Variants in AP3B1 observed in about 807,000 individuals in gnomAD.
The protein encoded by AP3B1 is adaptor related protein complex 3 subunit beta 1.
AP3B1 carries 61 observed loss-of-function variants against 132.5 expected under a neutral mutation model. The ratio of observed to expected loss-of-function variants is 0.46; its 90% CI spans 0.37 to 0.57. The LOEUF is 0.57. AP3B1 is among the 20% of genes least tolerant of loss of function. The pLI is 0.00. For synonymous variants in AP3B1, 388 were observed against 438.3 expected (o/e 0.89, Z 1.43); for missense variants, 1,120 against 1,289.4 (o/e 0.87, Z 2.01).
At chr5:78,088,789 T>C (rs145959289) in intron 22 of AP3B1, among the ~76,000 whole-genome samples, 1 of 152,344 alleles carries the variant, frequency 6.6e-6, no homozygotes, top group African/African-American at 2.4e-5. Context: ...GGATATAATA[T>C]GCTAACACAA....
At chr5:78,256,372 T>C (rs1472536647) in intron 2 of AP3B1, among the ~76,000 whole-genome samples, 1 of 152,006 alleles carries the variant, frequency 6.6e-6, no homozygotes, top group African/African-American at 2.4e-5. Context: ...GGATCATTAG[T>C]GGCTACTATG....
At chr5:78,294,340 G>T in intron 1 of AP3B1, 112 bp downstream of exon 1, 1 of 1,520,706 alleles carries the variant, frequency 6.6e-7, no homozygotes, top group Non-Finnish European at 9.0e-7. Context: ...GCCCTGCCCT[G>T]CTCAGACCTC....
intron 22 of AP3B1, among the ~76,000 whole-genome samples, chr5:78,068,805 A>T (rs908775249): frequency 6.6e-6 from 1 of 152,208 alleles, no homozygotes; most frequent in Non-Finnish European, 1.5e-5. Context: ...AACAAAAAAA[A>T]AAGCAAACTT....
intron 3 of AP3B1, among the ~76,000 whole-genome samples, 187 bp downstream of exon 3, chr5:78,240,675 C>A (rs571963853): frequency 1.2e-4 from 19 of 152,196 alleles, no homozygotes; most frequent in African/African-American, 3.4e-4. Context: ...TATTTTCTAC[C>A]AAAAATCCAA....
chr5:78,039,375 A>G (rs1561368242), intron 22 of AP3B1, 101 bp from the exon 23 acceptor site: 2 of 908,088 alleles, frequency 2.2e-6, no homozygotes, highest in East Asian at 2.6e-5. Flanking sequence ...TGGTTCCCCT[A>G]CAGTATTATA....
intron 2 of AP3B1, among the ~76,000 whole-genome samples, chr5:78,257,892 C>T (rs888926285): frequency 2.6e-5 from 4 of 151,622 alleles, no homozygotes; most frequent in East Asian, 1.9e-4. Flanking sequence ...GAGAAAGATG[C>T]GAAGAGCATA....
intron 1 of AP3B1, among the ~76,000 whole-genome samples, chr5:78,276,422 G>A (rs1211806563): frequency 6.6e-6 from 1 of 152,162 alleles, no homozygotes; most frequent in Non-Finnish European, 1.5e-5. Flanking sequence ...GTGGGATGCA[G>A]CTAAAGCAAT....
At position 78,249,129 on chromosome 5, in the gene AP3B1, C is replaced by T. The variant is rs555627867; in HGVS notation, c.205-8193G>A. The stretch of plus-strand genomic sequence containing the variant: ...CAGCACTTTGGGAGGCTGAGGAGGG[C>T]GGATCACCTGAGATCAGGAGTTCGA... On this transcript the variant is annotated intron_variant, in intron 2 of 26. Transcript: ENST00000255194. 3.9e-5 allele frequency among the ~76,000 whole-genome samples: 6 copies of T among 151,968 alleles called. No homozygotes were observed. In the South Asian group the frequency reaches 6.2e-4, roughly 16 times the overall value.
intron 22 of AP3B1, among the ~76,000 whole-genome samples, chr5:78,069,700 C>T (rs1180813752): frequency 6.6e-6 from 1 of 152,124 alleles, no homozygotes. Flanking sequence ...GGATTCAATG[C>T]TATTCCCATT....
intron 3 of AP3B1, among the ~76,000 whole-genome samples, chr5:78,239,429 C>A (rs1747019474): frequency 6.7e-6 from 1 of 149,206 alleles, no homozygotes; most frequent in East Asian, 2.0e-4. Context: ...CACGATCATG[C>A]CACTGCACTC....
chr5:78,127,236 C>G (rs996865535), intron 17 of AP3B1, among the ~76,000 whole-genome samples: 1 of 152,178 alleles, frequency 6.6e-6, no homozygotes, highest in African/African-American at 2.4e-5. Context: ...CCCCAGTTAT[C>G]TGAATCCTAA....
At chr5:78,242,271 T>G (rs528897822) in intron 2 of AP3B1, among the ~76,000 whole-genome samples, 1 of 152,324 alleles carries the variant, frequency 6.6e-6, no homozygotes, top group South Asian at 2.1e-4. Context: ...TGCCCCACTA[T>G]GCCTCTGCTC....
intron 22 of AP3B1, chr5:78,042,126 C>A: frequency 6.0e-6 from 1 of 165,450 alleles, no homozygotes; most frequent in South Asian, 1.8e-4. Context: ...ACACAGATGT[C>A]ATCTCATCTC....
chr5:78,170,433 T>C (rs1312618830), intron 11 of AP3B1, among the ~76,000 whole-genome samples: 1 of 152,220 alleles, frequency 6.6e-6, no homozygotes, highest in Non-Finnish European at 1.5e-5. Context: ...TTCCTGACTT[T>C]TTAATGATCG....
At chr5:78,176,854 G>C (rs147481460) in intron 9 of AP3B1, among the ~76,000 whole-genome samples, 1 of 152,234 alleles carries the variant, frequency 6.6e-6, no homozygotes, top group Middle Eastern at 3.4e-3. Flanking sequence ...TTTTAGAGTG[G>C]AGCAAAGCAT....
chr5:78,192,308 T>A (rs1306241788), intron 7 of AP3B1, among the ~76,000 whole-genome samples: 1 of 152,046 alleles, frequency 6.6e-6, no homozygotes, highest in Non-Finnish European at 1.5e-5. Context: ...AAGTGAACTA[T>A]ATTATGAACT....
Position 78,141,267 on chromosome 5 carries a change from C to T in AP3B1, c.1526G>A (p.Arg509Gln), listed in dbSNP as rs193920974. ...AACATCAGGGGCAATTTTAGGAACTCGTTCACAGTTTTCTCCAATTAGCCA... is the reference window on the plus strand; with the variant it reads ...AACATCAGGGGCAATTTTAGGAACTTGTTCACAGTTTTCTCCAATTAGCCA... ...ILWLIGENCE[R>Q]VPKIAPDVLR... Residue 509 changes from arginine to glutamine, a missense_variant, in exon 15 of 27, where the codon CGA becomes CAA. By Grantham distance (43) the Arg-to-Gln change is conservative. Transcript: ENST00000255194. The T allele has an allele frequency of 1.9e-6, 3 of 1,613,702 alleles. No homozygotes were observed. The highest frequency in any genetic ancestry group is 1.3e-5 in the African/African-American group (1 of 75,020).
At position 78,082,660 on chromosome 5, in the gene AP3B1, A is replaced by G. The variant is rs1580323074; in HGVS notation, c.2577+6733T>C. Among the ~76,000 whole-genome samples, 6 of 152,194 alleles carry G rather than the reference A, an allele frequency of 3.9e-5. No homozygotes were observed. The South Asian group carries it at 1.0e-3, about 26-fold the overall frequency. Reference sequence around the variant, plus strand: ...GGCTCCAGATTCAATGCATTTCACAAATGTCACTCTGTCTTTCTAAATGAG... The same window carrying G: ...GGCTCCAGATTCAATGCATTTCACAGATGTCACTCTGTCTTTCTAAATGAG... On this transcript the variant is annotated intron_variant, in intron 22 of 26. Transcript: ENST00000255194.
intron 4 of AP3B1, 76 bp from the exon 5 acceptor site, chr5:78,227,608 T>C (rs751417931): frequency 9.4e-5 from 135 of 1,439,902 alleles, no homozygotes; most frequent in Non-Finnish European, 2.0e-5. Flanking sequence ...ACACAGTTAA[T>C]AGGTGCTTAA....
Sources: allele counts gnomAD v4.1 joint callset (sites outside exome capture counted in the v4.1 genomes callset), GRCh38; gene constraint gnomAD v4.1.1; transcripts MANE v1.5; gene names NCBI Gene and HGNC (gene_info 2026-07-23, HGNC 2026-07-21).